Variants in NRG1 observed in about 807,000 individuals in gnomAD.
NRG1 encodes the protein pro-neuregulin-1, membrane-bound isoform.
Under a neutral mutation model 63.8 loss-of-function variants are expected in NRG1, and 18 were observed. The ratio of observed to expected loss-of-function variants is 0.28; its 90% CI spans 0.19 to 0.42. NRG1 has a LOEUF of 0.42. Ranked by LOEUF, NRG1 falls within the 10% of genes least tolerant of loss-of-function variation. The pLI, the probability that NRG1 is intolerant of heterozygous loss-of-function variation, is 1.00. For missense variants in NRG1, 762 were observed against 814.7 expected (o/e 0.94, Z 0.79); for synonymous variants, 302 against 301.3 (o/e 1.00, Z -0.02).
chr8:32,759,254 G>T, intron 9 of NRG1, 52 bp from the exon 10 acceptor site: 1 of 1,582,444 alleles, frequency 6.3e-7, no homozygotes, highest in South Asian at 1.2e-5. Flanking sequence ...TTAGTGCTTT[G>T]ATTGACATGA....
chr8:31,961,496 C>T (rs1007174794), intron 1 of NRG1, among the ~76,000 whole-genome samples: 1 of 152,104 alleles, frequency 6.6e-6, no homozygotes, highest in South Asian at 2.1e-4. Flanking sequence ...ACCTGAAATA[C>T]TTGTTAGAAT....
chr8:32,770,998 T>C (rs567420484), downstream of NRG1, among the ~76,000 whole-genome samples: 1 of 152,328 alleles, frequency 6.6e-6, no homozygotes, highest in East Asian at 1.9e-4. Context: ...TATGTTATCA[T>C]TTCTCCAACA....
intron 1 of NRG1, among the ~76,000 whole-genome samples, chr8:32,249,539 G>C (rs1848894470): frequency 6.6e-6 from 1 of 152,032 alleles, no homozygotes; most frequent in Admixed American, 6.6e-5. Flanking sequence ...TAAGATACAA[G>C]ATCTCTAAAA....
chr8:32,714,271 C>T (rs1818607350), intron 5 of NRG1, among the ~76,000 whole-genome samples: 1 of 152,092 alleles, frequency 6.6e-6, no homozygotes, highest in Admixed American at 6.5e-5. Flanking sequence ...AACAAACATA[C>T]AAACAAAAAC....
At chr8:32,541,954 C>G (rs916206767) in intron 1 of NRG1, among the ~76,000 whole-genome samples, 1 of 152,158 alleles carries the variant, frequency 6.6e-6, no homozygotes, top group African/African-American at 2.4e-5. Context: ...GAAAAATAAT[C>G]TTAATGACGA....
At chr8:31,985,027 C>T (rs1188027410) in intron 1 of NRG1, among the ~76,000 whole-genome samples, 1 of 152,046 alleles carries the variant, frequency 6.6e-6, no homozygotes. Context: ...TGAAATAACT[C>T]ACTTTTCTCT....
At chr8:32,219,933 T>G (rs561909942) in intron 1 of NRG1, among the ~76,000 whole-genome samples, 4 of 152,292 alleles carry the variant, frequency 2.6e-5, no homozygotes, top group East Asian at 3.9e-4. Context: ...TTGCTATGAA[T>G]GTTCAATGAG....
chr8:32,510,950 CTTT>C (rs1366015963), intron 1 of NRG1, among the ~76,000 whole-genome samples: 42 of 130,668 alleles, frequency 3.2e-4, no homozygotes, highest in African/African-American at 1.1e-3. Context: ...TTCTTTCTTT[CTTT>C]CCTTTTTTTT....
chr8:31,862,498 A>AT (rs915689925), intron 1 of NRG1, among the ~76,000 whole-genome samples: 100 of 152,252 alleles, frequency 6.6e-4, no homozygotes, highest in African/African-American at 2.4e-3. Context: ...CTTGTAAACT[A>AT]TTTGCTCTGG....
chr8:32,568,795 G>A (rs889224652), intron 1 of NRG1, among the ~76,000 whole-genome samples: 2 of 152,184 alleles, frequency 1.3e-5, no homozygotes, highest in Non-Finnish European at 2.9e-5. Context: ...ATCTAGGTTT[G>A]AGAGACTTGC....
At chr8:32,310,023 C>T (rs116258945) in intron 1 of NRG1, among the ~76,000 whole-genome samples, 2,273 of 152,262 alleles carry the variant, frequency 0.015, 48 homozygotes, top group African/African-American at 0.052. Flanking sequence ...GGCTTTTTTT[C>T]CCACAAGCGC....
At chr8:32,554,322 G>T (rs1458184713) in intron 1 of NRG1, among the ~76,000 whole-genome samples, 1 of 151,438 alleles carries the variant, frequency 6.6e-6, no homozygotes, top group African/African-American at 2.4e-5. Context: ...GTTTTAATGG[G>T]TTAAAAAAAA....
chr8:32,637,862 A>G (rs1299050147), intron 5 of NRG1, among the ~76,000 whole-genome samples: 2 of 152,162 alleles, frequency 1.3e-5, no homozygotes, highest in African/African-American at 4.8e-5. Context: ...GTCTCTGAAT[A>G]TCTTTCAGAA....
At chr8:31,709,283 T>G (rs969995767) in intron 1 of NRG1, among the ~76,000 whole-genome samples, 1 of 151,964 alleles carries the variant, frequency 6.6e-6, no homozygotes, top group African/African-American at 2.4e-5. Context: ...TCATATAAAT[T>G]ATATTAATGG....
chr8:32,352,654 G>A (rs1805763258), intron 1 of NRG1, among the ~76,000 whole-genome samples: 1 of 152,152 alleles, frequency 6.6e-6, no homozygotes, highest in Admixed American at 6.5e-5. Flanking sequence ...GTTGAGGCAG[G>A]AGGATTGCTT....
intron 1 of NRG1, among the ~76,000 whole-genome samples, chr8:32,108,509 C>T (rs546883259): frequency 6.6e-6 from 1 of 152,292 alleles, no homozygotes; most frequent in East Asian, 1.9e-4. Context: ...GCCTAATTAC[C>T]TCTTAAAGGC....
intron 1 of NRG1, among the ~76,000 whole-genome samples, chr8:32,539,624 A>T (rs1298089603): frequency 6.6e-6 from 1 of 152,242 alleles, no homozygotes; most frequent in Non-Finnish European, 1.5e-5. Context: ...TTGGAAATAC[A>T]GGCTTGCAGT....
chr8:32,721,733 T>C, intron 5 of NRG1: 1 of 793,054 alleles, frequency 1.3e-6, no homozygotes, highest in East Asian at 3.9e-5. Flanking sequence ...TGACAAGGCT[T>C]CCGTGGTTCT....
At chr8:32,311,019 T>C (rs1160522158) in intron 1 of NRG1, among the ~76,000 whole-genome samples, 1 of 152,224 alleles carries the variant, frequency 6.6e-6, no homozygotes, top group Non-Finnish European at 1.5e-5. Context: ...TCATTATTCC[T>C]CTTCCATGTT....
Sources: gnomAD v4.1 joint callset for allele counts (sites outside exome capture counted in the v4.1 genomes callset) on GRCh38, gnomAD v4.1.1 for gene constraint, MANE v1.5 for transcripts, NCBI Gene and HGNC (gene_info 2026-07-23, HGNC 2026-07-21) for gene names.